The following TAFA1 variants were observed in gnomAD, a reference collection of about 807,000 sequenced individuals.
TAFA1 encodes the protein TAFA chemokine like family member 1.
Under a neutral mutation model 18.5 loss-of-function variants are expected in TAFA1, and 4 were observed. The ratio of observed to expected loss-of-function variants is 0.22; its 90% CI spans 0.11 to 0.49. The LOEUF (loss-of-function observed/expected upper bound fraction) is 0.49. Among genes scored for constraint, TAFA1 ranks in the 20% least tolerant of loss-of-function variants. TAFA1 has a pLI of 0.98. For missense variants in TAFA1, 147 were observed against 169.0 expected, an observed-to-expected ratio of 0.87 and a Z score of 0.72; for synonymous variants, 56 against 55.2, an observed-to-expected ratio of 1.01 and a Z score of -0.06.
chr3:68,075,771 A>T (rs930384488), intron 2 of TAFA1, among the ~76,000 whole-genome samples: 4 of 148,202 alleles, frequency 2.7e-5, no homozygotes, highest in African/African-American at 1.0e-4. Flanking sequence ...ATCTTGGCTC[A>T]CTGCAGCTTT....
intron 2 of TAFA1, among the ~76,000 whole-genome samples, chr3:68,148,635 T>C (rs2065770752): frequency 6.6e-6 from 1 of 152,142 alleles, no homozygotes; most frequent in African/African-American, 2.4e-5. Flanking sequence ...TCACATTCCG[T>C]GCTGTGTTCA....
At chr3:68,498,974 G>T (rs2072605539) in intron 3 of TAFA1, among the ~76,000 whole-genome samples, 1 of 151,982 alleles carries the variant, frequency 6.6e-6, no homozygotes, top group Non-Finnish European at 1.5e-5. Flanking sequence ...ATAGGCTGGG[G>T]CCTAGAAGTA....
chr3:68,201,760 G>A (rs759571275), intron 2 of TAFA1, among the ~76,000 whole-genome samples: 1 of 151,644 alleles, frequency 6.6e-6, no homozygotes, highest in Non-Finnish European at 1.5e-5. Context: ...AAGAAAACAG[G>A]TTTATTTAGC....
chr3:68,248,675 C>G (rs1280668295), intron 2 of TAFA1, among the ~76,000 whole-genome samples: 1 of 136,650 alleles, frequency 7.3e-6, no homozygotes, highest in African/African-American at 2.8e-5. Context: ...TGGAGATGGG[C>G]TCCTTATCTA....
At chr3:68,234,742 G>T (rs1353255551) in intron 2 of TAFA1, among the ~76,000 whole-genome samples, 2 of 152,066 alleles carry the variant, frequency 1.3e-5, no homozygotes, top group African/African-American at 2.4e-5. Context: ...GAGAAGCAAA[G>T]AAACCAACAA....
rs903263783 is a variant in TAFA1 at position 68,338,446 on chromosome 3, C to T, written c.119-78834C>T. Among the ~76,000 whole-genome samples, 4 of 152,056 alleles carry T rather than the reference C, an allele frequency of 2.6e-5. No individual in the cohort carries two copies. The East Asian group carries it at 5.8e-4, about 22-fold the overall frequency. On this transcript the variant is annotated intron_variant, in intron 2 of 4. Transcript: ENST00000478136. ...CATGCCTCTGTTAACAGTGAATGTT[C>T]GATAAATGCTATCTAATAAAAATAA...
intron 2 of TAFA1, among the ~76,000 whole-genome samples, chr3:68,229,182 G>C (rs1160635866): frequency 1.3e-5 from 2 of 152,190 alleles, no homozygotes; most frequent in African/African-American, 4.8e-5. Context: ...AGTAGATTTG[G>C]AAGTCATAGT....
At chr3:68,171,364 T>C (rs1024837392) in intron 2 of TAFA1, among the ~76,000 whole-genome samples, 2 of 152,172 alleles carry the variant, frequency 1.3e-5, no homozygotes, top group African/African-American at 4.8e-5. Flanking sequence ...CCTTCTGACA[T>C]GATAATATTA....
intron 2 of TAFA1, among the ~76,000 whole-genome samples, chr3:68,167,413 C>T (rs1034346532): frequency 6.6e-6 from 1 of 151,688 alleles, no homozygotes; most frequent in Non-Finnish European, 1.5e-5. Context: ...CCCGTCTCTA[C>T]TAAAAATACA....
chr3:68,063,198 T>TGTGAATCAAA (rs1268927624), intron 2 of TAFA1, among the ~76,000 whole-genome samples: 2 of 152,138 alleles, frequency 1.3e-5, no homozygotes, highest in African/African-American at 4.8e-5. Flanking sequence ...AAAGGAAAAG[T>TGTGAATCAAA]GTGAATCAAA....
At chr3:68,045,914 A>G (rs978483011) in intron 2 of TAFA1, among the ~76,000 whole-genome samples, 1 of 152,226 alleles carries the variant, frequency 6.6e-6, no homozygotes, top group Non-Finnish European at 1.5e-5. Flanking sequence ...ATGAGCTGTA[A>G]ATAATCTGAA....
intron 2 of TAFA1, among the ~76,000 whole-genome samples, chr3:68,296,304 A>T (rs963811870): frequency 1.3e-4 from 20 of 152,086 alleles, no homozygotes; most frequent in Admixed American, 8.5e-4. Flanking sequence ...ATCCTGTTGA[A>T]TTTCAGTTTT....
intron 2 of TAFA1, among the ~76,000 whole-genome samples, chr3:68,325,465 A>G (rs2068761002): frequency 6.6e-6 from 1 of 152,186 alleles, no homozygotes; most frequent in African/African-American, 2.4e-5. Flanking sequence ...TGGAGATTTT[A>G]GAGTAGAGCC....
chr3:68,323,579 A>AT (rs961073606), intron 2 of TAFA1, among the ~76,000 whole-genome samples: 3 of 152,164 alleles, frequency 2.0e-5, no homozygotes, highest in African/African-American at 4.8e-5. Flanking sequence ...CAAAATTATG[A>AT]TTTTTCAAGG....
intron 2 of TAFA1, among the ~76,000 whole-genome samples, chr3:68,156,624 T>C (rs2065870050): frequency 6.6e-6 from 1 of 152,194 alleles, no homozygotes; most frequent in Non-Finnish European, 1.5e-5. Context: ...GTTTTATCTG[T>C]ATTGTATCTA....
intron 2 of TAFA1, among the ~76,000 whole-genome samples, chr3:68,067,918 A>C (rs2064702192): frequency 6.6e-6 from 1 of 152,184 alleles, no homozygotes; most frequent in Non-Finnish European, 1.5e-5. Context: ...TACTCTAATG[A>C]AGGAACTAGG....
At chr3:68,313,009 AGG>A (rs2068545961) in intron 2 of TAFA1, among the ~76,000 whole-genome samples, 1 of 152,156 alleles carries the variant, frequency 6.6e-6, no homozygotes, top group Admixed American at 6.6e-5. Flanking sequence ...GAGCTTGTGC[AGG>A]GAGACTCCGA....
At chr3:68,156,076 A>G (rs2065863582) in intron 2 of TAFA1, among the ~76,000 whole-genome samples, 1 of 152,148 alleles carries the variant, frequency 6.6e-6, no homozygotes, top group African/African-American at 2.4e-5. Context: ...CGTTTCTGAC[A>G]TCTGAGTTCT....
intron 3 of TAFA1, among the ~76,000 whole-genome samples, chr3:68,464,466 G>A (rs754849644): frequency 2.6e-5 from 4 of 152,052 alleles, no homozygotes; most frequent in Non-Finnish European, 4.4e-5. Context: ...TGTGGGGAGC[G>A]ATGACAGCAG....
Sources: allele counts gnomAD v4.1 joint callset (sites outside exome capture counted in the v4.1 genomes callset), GRCh38; gene constraint gnomAD v4.1.1; transcripts MANE v1.5; gene names NCBI Gene and HGNC (gene_info 2026-07-23, HGNC 2026-07-21).